The following DYSF variants were observed in gnomAD, a reference collection of about 807,000 sequenced individuals.
The protein encoded by DYSF is dystrophy-associated fer-1-like 1.
DYSF carries 212 observed loss-of-function variants against 274.9 expected under a neutral mutation model. The ratio of observed to expected loss-of-function variants is 0.77; its 90% confidence interval spans 0.69 to 0.86. DYSF has a LOEUF of 0.86. Ranked by LOEUF, DYSF falls within the 40% of genes least tolerant of loss-of-function variation. The pLI, the probability that DYSF is intolerant of heterozygous loss-of-function variation, is 0.00. For missense variants in DYSF, 2,666 were observed against 2,783.2 expected (o/e 0.96, Z 0.95); for synonymous variants, 1,091 against 1,078.7 (o/e 1.01, Z -0.22).
intron 42 of DYSF, among the ~76,000 whole-genome samples, chr2:71,649,575 A>G (rs556849000): frequency 6.6e-6 from 1 of 152,252 alleles, no homozygotes; most frequent in Non-Finnish European, 1.5e-5. Context: ...CAGAATATAT[A>G]AATGTATATA....
In DYSF at chr2:71,660,641, G is replaced by C. The variant is rs147056383; in HGVS notation, c.4993G>C (p.Val1665Leu). The change falls in exon 45 of 56, where the codon GTA (valine) becomes CTA (leucine). Residue 1665 changes from valine to leucine, a missense_variant. By Grantham distance (32) the Val-to-Leu change is conservative. Around this residue, in one of 3 missense-constraint regions of DYSF, gnomAD observed 1,460 missense variants for 1,502.1 expected, o/e 0.97. Transcript: ENST00000410020. ...DNYIPCTLEP[V>L]FGKMFELTCT... ...CTACATCCCCTGCACGCTGGAGCCC[G>C]TATTTGGAAAGTAAATTGGGGCATC... The C allele has an allele frequency of 5.0e-6, 8 of 1,613,726 alleles. No individual in the cohort carries two copies. Among genetic ancestry groups the C allele is most frequent in the African/African-American group, 1.3e-5 (1 of 74,936 alleles).
chr2:71,479,248 G>C (rs541162036), intron 1 of DYSF, among the ~76,000 whole-genome samples: 1 of 151,744 alleles, frequency 6.6e-6, no homozygotes, highest in African/African-American at 2.4e-5. Flanking sequence ...ATGCTTACTG[G>C]AAGTGCCCAG....
intron 29 of DYSF, among the ~76,000 whole-genome samples, chr2:71,571,451 CACACACA>C (rs1475356666): frequency 1.0e-5 from 1 of 98,664 alleles, no homozygotes; most frequent in East Asian, 5.8e-4. Context: ...ACACCCAGCA[CACACACA>C]GATCACACCC....
chr2:71,516,974 G>C lies in DYSF; in HGVS notation c.952-15G>C, dbSNP rs2086721586. On this transcript the variant is annotated splice_polypyrimidine_tract_variant and intron_variant, in intron 9 of 55. Coordinates refer to ENST00000410020, the MANE Select transcript of DYSF (RefSeq NM_001130987.2). The stretch of plus-strand genomic sequence containing the variant: ...GTTCCCTGTGAATGTGAGTTTCCAT[G>C]ATCTTTCTCTGCAGGTGGTAGACTC... 6.2e-7 allele frequency: 1 copy of C among 1,613,906 alleles called. No individual in the cohort carries two copies. Among genetic ancestry groups the C allele is most frequent in the African/African-American group, 1.3e-5 (1 of 74,914 alleles).
chr2:71,561,759 C>G lies in DYSF; in HGVS notation c.2224C>G (p.Leu742Val). 6.2e-7 allele frequency: 1 copy of G among 1,614,176 alleles called. No homozygotes were observed. Among genetic ancestry groups the G allele is most frequent in the Non-Finnish European group, 8.5e-7 (1 of 1,180,022 alleles). Reference sequence around the variant, plus strand: ...TCTGTCCGTCCCTCACAGCCAGCCTCTGGGTGACATCCATGAGACACCCTC... The same window carrying G: ...TCTGTCCGTCCCTCACAGCCAGCCTGTGGGTGACATCCATGAGACACCCTC... ...DELIAGCSQP[L>V]GDIHETPSAT... Residue 742 changes from leucine (L) to valine (V), a missense_variant, in exon 23 of 56, where the codon CTG (leucine) becomes GTG (valine). Coordinates refer to ENST00000410020, the MANE Select transcript of DYSF (RefSeq NM_001130987.2).
intron 36 of DYSF, among the ~76,000 whole-genome samples, chr2:71,605,560 T>C (rs1485833865): frequency 6.6e-6 from 1 of 152,086 alleles, no homozygotes; most frequent in Non-Finnish European, 1.5e-5. Context: ...TTTAGAGAAT[T>C]ACCCTTGCTT....
intron 3 of DYSF, among the ~76,000 whole-genome samples, chr2:71,502,843 G>GGGCA (rs796184774): frequency 9.2e-5 from 14 of 152,286 alleles, no homozygotes; most frequent in African/African-American, 3.4e-4. Context: ...TGGGGCTCAG[G>GGGCA]GGCAGTGTGG....
In DYSF at chr2:71,682,632, C is replaced by T. The variant is rs1412512408; in HGVS notation, c.6276C>T (p.Leu2092=). ...GGGCCATCATCCTCTTCATCATCCTCTTCATCCTGCTGCTGTTCCTGGCCA... is the reference window on the plus strand; with the variant it reads ...GGGCCATCATCCTCTTCATCATCCTTTTCATCCTGCTGCTGTTCCTGGCCA... ...FRWAIILFII[L]FILLLFLAIF... Residue 2092 remains leucine, a synonymous_variant, in exon 55 of 56, where the codon CTC becomes CTT. Coordinates refer to ENST00000410020, the MANE Select transcript of DYSF (RefSeq NM_001130987.2). The T allele has an allele frequency of 5.6e-6, 9 of 1,614,086 alleles. No homozygotes were observed. The East Asian group carries it at 6.7e-5, about 12-fold the overall frequency.
chr2:71,608,476 A>T (rs1477509121), intron 36 of DYSF, among the ~76,000 whole-genome samples: 1 of 152,130 alleles, frequency 6.6e-6, no homozygotes, highest in East Asian at 1.9e-4. Context: ...CTTGGGATGC[A>T]TGCTGTGGCC....
At chr2:71,553,753 TCC>T in intron 20 of DYSF, 52 bp from the exon 21 acceptor site, 2 of 567,526 alleles carry the variant, frequency 3.5e-6, no homozygotes, top group Non-Finnish European at 3.0e-6. Context: ...TAGCACCCCA[TCC>T]CACCCGCCCT....
chr2:71,662,872 ATGTG>A (rs140692553), intron 45 of DYSF, among the ~76,000 whole-genome samples: 3 of 50,156 alleles, frequency 6.0e-5, no homozygotes, highest in Non-Finnish European at 9.7e-5. Flanking sequence ...GTGTCCATGT[ATGTG>A]TGTGTGTGTA....
Position 71,574,304 on chromosome 2 carries a change from G to T in DYSF, c.3335G>T (p.Trp1112Leu). 6.2e-7 allele frequency: 1 copy of T among 1,614,124 alleles called. No individual in the cohort carries two copies. Among genetic ancestry groups the T allele is most frequent in the Non-Finnish European group, 8.5e-7 (1 of 1,180,004 alleles). The stretch of plus-strand genomic sequence containing the variant: ...ACAGATGCCTTCCGCCGCCGCCGCT[G>T]GCGCCGTCGCATGGAGCCACTGGAG... ...RKTDAFRRRR[W>L]RRRMEPLEKT... Residue 1112 changes from tryptophan (W) to leucine (L), a missense_variant, in exon 30 of 56, where the codon TGG (tryptophan) becomes TTG (leucine). Around this residue, in one of 3 missense-constraint regions of DYSF, gnomAD observed 1,460 missense variants for 1,502.1 expected, o/e 0.97. Coordinates refer to ENST00000410020, the MANE Select transcript of DYSF (RefSeq NM_001130987.2).
chr2:71,621,651 G>A lies in DYSF; in HGVS notation c.4527+1042G>A, dbSNP rs574828536. Among the ~76,000 whole-genome samples, 3 of 150,574 alleles carry A rather than the reference G, an allele frequency of 2.0e-5. No individual in the cohort carries two copies. In the South Asian group the frequency reaches 6.3e-4, roughly 31 times the overall value. ...TATATAATATATGTATAATATGTATGTTATGTATATTATATATATATTTTT... is the reference window on the plus strand; with the variant it reads ...TATATAATATATGTATAATATGTATATTATGTATATTATATATATATTTTT... On this transcript the variant is annotated intron_variant, in intron 41 of 55. Coordinates refer to ENST00000410020, the MANE Select transcript of DYSF (RefSeq NM_001130987.2).
At chr2:71,617,779 GGTGT>G (rs1212485585) in intron 40 of DYSF, among the ~76,000 whole-genome samples, 1 of 106,658 alleles carries the variant, frequency 9.4e-6, no homozygotes, top group Non-Finnish European at 2.1e-5. Context: ...TGGTAGAGGT[GGTGT>G]GTGTGTGGTA....
At chr2:71,628,195 G>C (rs2094245072) in intron 41 of DYSF, among the ~76,000 whole-genome samples, 3 of 151,714 alleles carry the variant, frequency 2.0e-5, no homozygotes, top group Admixed American at 2.0e-4. Flanking sequence ...GATTAGTATA[G>C]AAATTTTAAC....
chr2:71,665,238 A>C lies in DYSF; in HGVS notation c.5251A>C (p.Lys1751Gln). ...LHLFCQQHRV[K>Q]APVYRTDRVM... ...CCTCTTCTGCCAGCAGCATAGAGTC[A>C]AGGCACCTGTGTACCGGACAGACCG... Residue 1751 changes from lysine (K) to glutamine (Q), a missense_variant, in exon 47 of 56, where the codon AAG (lysine) becomes CAG (glutamine). By Grantham distance (53) the Lys-to-Gln change is moderately conservative. Coordinates refer to ENST00000410020, the MANE Select transcript of DYSF (RefSeq NM_001130987.2). 6.2e-7 allele frequency: 1 copy of C among 1,614,178 alleles called. No homozygotes were observed.
chr2:71,468,196 A>C (rs2081675667), intron 1 of DYSF, among the ~76,000 whole-genome samples: 1 of 152,230 alleles, frequency 6.6e-6, no homozygotes, highest in Non-Finnish European at 1.5e-5. Flanking sequence ...AGGCTTTGCT[A>C]TGCAGAAATT....
At chr2:71,593,962 T>C (rs1355247488) in intron 32 of DYSF, among the ~76,000 whole-genome samples, 1 of 152,192 alleles carries the variant, frequency 6.6e-6, no homozygotes, top group Non-Finnish European at 1.5e-5. Context: ...TTTATTAATT[T>C]ACAGGGGTGA....
rs1333256337 is a variant in DYSF, at chr2:71,570,587, C to T, written c.3086-12C>T. The T allele has an allele frequency of 6.2e-7, 1 of 1,613,044 alleles. No individual in the cohort carries two copies. The highest frequency in any genetic ancestry group is 1.7e-5 in the Admixed American group (1 of 59,882). On this transcript the variant is annotated splice_polypyrimidine_tract_variant and intron_variant, in intron 28 of 55. Transcript: ENST00000410020. ...CTGCCAAGCAATGAGTGACCGGTTC[C>T]CCCTCCCCCAGGCTGGGAGTATAGC... is the stretch of plus-strand genomic sequence containing the variant.
Sources: allele counts gnomAD v4.1 joint callset (sites outside exome capture counted in the v4.1 genomes callset), GRCh38; gene constraint gnomAD v4.1.1; regional missense constraint gnomAD v4.1.1; transcripts MANE v1.5; gene names NCBI Gene and HGNC (gene_info 2026-07-23, HGNC 2026-07-21).